The following NDUFB10 variants were observed in gnomAD, a reference collection of about 807,000 sequenced individuals.
NDUFB10 encodes NADH:ubiquinone oxidoreductase subunit B10.
In NDUFB10, 23 loss-of-function variants were observed where a neutral mutation model predicts 19.0. The ratio of observed to expected loss-of-function variants is 1.21; its 90% CI spans 0.87 to 1.71. The LOEUF is 1.71. NDUFB10 is among the 40% of genes most tolerant of loss of function. NDUFB10 has a pLI of 0.00. For missense variants in NDUFB10, 312 were observed against 230.6 expected (o/e 1.35, Z -2.29); for synonymous variants, 104 against 81.8 (o/e 1.27, Z -1.46).
At chr16:1,961,320 A>T (rs77110262) in intron 2 of NDUFB10, 29 bp downstream of exon 2, 1 of 1,612,958 alleles carries the variant, frequency 6.2e-7, no homozygotes, top group African/African-American at 1.3e-5. Context: ...GAGTGTGGAG[A>T]TCTGCACCGT....
rs758846475 is a variant in NDUFB10 at position 1,959,635 on chromosome 16, G to T, written c.11G>T (p.Ser4Ile). 6.2e-7 allele frequency: 1 copy of T among 1,609,958 alleles called. No homozygotes were observed. The highest frequency in any genetic ancestry group is 1.1e-5 in the South Asian group (1 of 90,794). Reference protein sequence around the residue: MPDSWDKDVYPEPP... With the variant: MPDIWDKDVYPEPP... Reference sequence around the variant, plus strand: ...GCGCCCGCCGCCGCCATGCCGGACAGCTGGGACAAGGATGTGTACCCTGAG... The same window carrying T: ...GCGCCCGCCGCCGCCATGCCGGACATCTGGGACAAGGATGTGTACCCTGAG... The change falls in exon 1 of 4, where the codon AGC becomes ATC. Residue 4 changes from serine to isoleucine, a missense_variant. By Grantham distance (142) the Ser-to-Ile change is moderately radical (BLOSUM62 -2). Coordinates refer to ENST00000268668, the MANE Select transcript of NDUFB10 (RefSeq NM_004548.3).
chr16:1,960,026 G>A (rs979491666), intron 1 of NDUFB10, among the ~76,000 whole-genome samples: 12 of 150,590 alleles, frequency 8.0e-5, no homozygotes, highest in African/African-American at 2.9e-4. Flanking sequence ...CCTCCCTGCC[G>A]CACCCAGCGC....
At chr16:1,960,832 A>G (rs985858259) in intron 1 of NDUFB10, among the ~76,000 whole-genome samples, 4 of 152,234 alleles carry the variant, frequency 2.6e-5, no homozygotes, top group African/African-American at 9.6e-5. Context: ...GGGGAGGTGC[A>G]CTGGCAGAGC....
At chr16:1,961,467 T>C in intron 2 of NDUFB10, 30 bp from the exon 3 acceptor site, 2 of 1,612,498 alleles carry the variant, frequency 1.2e-6, no homozygotes, top group Non-Finnish European at 1.7e-6. Flanking sequence ...TTCCTTGTGA[T>C]TAGCCTCTCT....
In NDUFB10 at chr16:1,961,440, A is replaced by G. The variant is rs1393243103; in HGVS notation, c.270-57A>G. ...GGCTCTTGCTTTCAATTGTTCTCAC[A>G]GGGTACAGGAAAAGGATTCCTTGTG... is the stretch of plus-strand genomic sequence containing the variant. On this transcript the variant is annotated intron_variant, in intron 2 of 3. Transcript: ENST00000268668. 21 of 1,602,886 alleles carry G rather than the reference A, an allele frequency of 1.3e-5. No homozygotes were observed. The South Asian group carries it at 2.3e-4, about 18-fold the overall frequency.
At chr16:1,961,695 C>G in intron 3 of NDUFB10, 59 bp downstream of exon 3, 3 of 1,464,240 alleles carry the variant, frequency 2.0e-6, no homozygotes, top group Non-Finnish European at 1.8e-6. Flanking sequence ...GGGGCCAGAA[C>G]CATTGCAAAT....
intron 1 of NDUFB10, 57 bp downstream of exon 1, chr16:1,959,811 C>A (rs2083241707): frequency 6.2e-7 from 1 of 1,600,134 alleles, no homozygotes; most frequent in Non-Finnish European, 8.5e-7. Flanking sequence ...CTGGATCCCA[C>A]ACCCTGCCTG....
At position 1,961,145 on chromosome 16, in the gene NDUFB10, C is replaced by T. The variant is rs2083251391; in HGVS notation, c.131-8C>T. ...GAGGCATTTGAGTCTGTGGCTTTGT[C>T]TTTGCAGAATTTATAGAGCGGCAGC... On this transcript the variant is annotated splice_polypyrimidine_tract_variant and splice_region_variant and intron_variant, in intron 1 of 3. Transcript: ENST00000268668. 1 of 1,613,692 alleles carries T rather than the reference C, an allele frequency of 6.2e-7. No individual in the cohort carries two copies. Among genetic ancestry groups the T allele is most frequent in the Non-Finnish European group, 8.5e-7 (1 of 1,179,836 alleles).
chr16:1,961,763 C>T (rs1440355666), intron 3 of NDUFB10, 34 bp from the exon 4 acceptor site: 2 of 1,545,298 alleles, frequency 1.3e-6, no homozygotes, highest in East Asian at 2.4e-5. Flanking sequence ...TAGCAGAGGC[C>T]TCGGTTCCCA....
chr16:1,960,694 T>G (rs180969702), intron 1 of NDUFB10, among the ~76,000 whole-genome samples: 4 of 152,362 alleles, frequency 2.6e-5, no homozygotes, highest in Admixed American at 6.5e-5. Flanking sequence ...TGTCTGGATG[T>G]TCGAGCTCTC....
chr16:1,961,436 T>C (rs2083253823), intron 2 of NDUFB10, 61 bp from the exon 3 acceptor site: 1 of 1,601,418 alleles, frequency 6.2e-7, no homozygotes, highest in African/African-American at 1.3e-5. Flanking sequence ...TCAATTGTTC[T>C]CACAGGGTAC....
chr16:1,961,734 A>T, intron 3 of NDUFB10, 63 bp from the exon 4 acceptor site: 1 of 1,513,904 alleles, frequency 6.6e-7, no homozygotes, highest in Non-Finnish European at 8.9e-7. Context: ...TGCTCACTTG[A>T]CTTTGCCCCC....
In NDUFB10 at chr16:1,961,238, G is replaced by C; in HGVS notation, c.216G>C (p.Lys72Asn). The change falls in exon 2 of 4, where the codon AAG becomes AAC. Residue 72 changes from lysine to asparagine, a missense_variant. Physicochemically the swap from Lys to Asn is moderately conservative, Grantham distance 94. Coordinates refer to ENST00000268668, the MANE Select transcript of NDUFB10 (RefSeq NM_004548.3). ...YRRVPDITEC[K>N]EEDIMCMYEA... ...GCGTGCCAGACATCACTGAGTGCAAGGAGGAGGACATCATGTGCATGTATG... is the reference window on the plus strand; with the variant it reads ...GCGTGCCAGACATCACTGAGTGCAACGAGGAGGACATCATGTGCATGTATG... 1 of 1,613,750 alleles carries C rather than the reference G, an allele frequency of 6.2e-7. No individual in the cohort carries two copies. The highest frequency in any genetic ancestry group is 8.5e-7 in the Non-Finnish European group (1 of 1,179,808).
At position 1,959,546 on chromosome 16, in the gene NDUFB10, C is replaced by G. The variant is rs1159300879; in HGVS notation, c.-79C>G. 2.7e-6 allele frequency: 4 copies of G among 1,483,410 alleles called. No individual in the cohort carries two copies. The allele number at this position is 1,483,410 out of a possible 1,614,324, so 91.9% of individuals were successfully genotyped here. On this transcript the variant is annotated 5_prime_UTR_variant, in exon 1 of 4. Transcript: ENST00000268668. Reference sequence around the variant, plus strand: ...CGCCCTCGGCGTCCTCTGTAGCGGGCGACCTAGGCCGCGGGACCCGGACGG... The same window carrying G: ...CGCCCTCGGCGTCCTCTGTAGCGGGGGACCTAGGCCGCGGGACCCGGACGG...
chr16:1,961,328 C>G (rs1295985919), intron 2 of NDUFB10, 37 bp downstream of exon 2: 2 of 1,611,184 alleles, frequency 1.2e-6, no homozygotes, highest in Non-Finnish European at 1.7e-6. Context: ...AGATCTGCAC[C>G]GTGTGCTGCT....
At position 1,959,597 on chromosome 16, in the gene NDUFB10, G is replaced by A. The variant is rs1233461953; in HGVS notation, c.-28G>A. ...AGGTAGAGGCCAGGGCAGCGCGTCCGGGAGCGGAGTCCGCGCCCGCCGCCG... is the reference window on the plus strand; with the variant it reads ...AGGTAGAGGCCAGGGCAGCGCGTCCAGGAGCGGAGTCCGCGCCCGCCGCCG... On this transcript the variant is annotated 5_prime_UTR_variant, in exon 1 of 4. Coordinates refer to ENST00000268668, the MANE Select transcript of NDUFB10 (RefSeq NM_004548.3). 2 of 1,595,144 alleles carry A rather than the reference G, an allele frequency of 1.3e-6. No homozygotes were observed. Among genetic ancestry groups the A allele is most frequent in the South Asian group, 2.2e-5 (2 of 89,452 alleles).
intron 1 of NDUFB10, among the ~76,000 whole-genome samples, chr16:1,960,311 A>C (rs1597034662): frequency 1.4e-5 from 2 of 147,758 alleles, no homozygotes; most frequent in East Asian, 2.0e-4. Flanking sequence ...CCTCTGCCCC[A>C]CCCCGGGTTC....
intron 1 of NDUFB10, 89 bp downstream of exon 1, chr16:1,959,843 T>G: frequency 6.5e-7 from 1 of 1,548,758 alleles, no homozygotes; most frequent in Non-Finnish European, 8.8e-7. Flanking sequence ...GCCTCCGGGG[T>G]CCCGTCTGCC....
At chr16:1,960,283 G>T (rs1199984345) in intron 1 of NDUFB10, among the ~76,000 whole-genome samples, 1 of 151,398 alleles carries the variant, frequency 6.6e-6, no homozygotes, top group Non-Finnish European at 1.5e-5. Context: ...GCAGTGGCGC[G>T]ATCTCGGCTC....
Sources: allele counts gnomAD v4.1 joint callset (sites outside exome capture counted in the v4.1 genomes callset), GRCh38; gene constraint gnomAD v4.1.1; transcripts MANE v1.5; gene names NCBI Gene and HGNC (gene_info 2026-07-23, HGNC 2026-07-21).